CXADR: variants seen among roughly 807,000 people sequenced by gnomAD.
CXADR encodes coxsackievirus and adenovirus receptor.
Under a neutral mutation model 40.3 loss-of-function variants are expected in CXADR, and 20 were observed. That is an observed-to-expected ratio of 0.50 (90% confidence interval 0.35 to 0.72). CXADR has a LOEUF of 0.72. CXADR is among the 30% of genes least tolerant of loss of function. CXADR has a pLI of 0.01. For missense variants in CXADR, 332 were observed against 449.1 expected (o/e 0.74, Z 2.36); for synonymous variants, 150 against 161.3 (o/e 0.93, Z 0.53).
chr21:17,594,274 G>A, downstream of CXADR: 2 of 1,613,152 alleles, frequency 1.2e-6, no homozygotes, highest in African/African-American at 1.3e-5. Flanking sequence ...ATACATTCCT[G>A]GCTTTTTTCT....
Position 17,567,452 on chromosome 21 carries a change from A to G in CXADR, c.*1760A>G, listed in dbSNP as rs1475751653. 1.2e-5 allele frequency: 12 copies of G among 985,206 alleles called. No homozygotes were observed. The highest frequency in any genetic ancestry group is 1.7e-5 in the African/African-American group (1 of 57,246). The allele number at this position is 985,206 out of a possible 1,614,324, so 61.0% of individuals were successfully genotyped here. A position where few individuals can be genotyped will look rare whatever the true frequency, so the allele number is the denominator to read the frequency against. The stretch of plus-strand genomic sequence containing the variant: ...TTTCTATTATGAATTTCTGGTGCCT[A>G]TGAGCTAGCTATCACCTACCTGAAA... On this transcript the variant is annotated 3_prime_UTR_variant, in exon 7 of 7. Transcript: ENST00000284878.
intron 7 of CXADR, chr21:17,576,921 A>T (rs192486841): frequency 6.6e-6 from 1 of 152,148 alleles, no homozygotes; most frequent in Non-Finnish European, 1.5e-5. Flanking sequence ...AAAACAAAAA[A>T]CAAAAAAGCA....
chr21:17,608,104 C>T, the CXADR span, among the ~76,000 whole-genome samples: 15 of 152,264 alleles, frequency 9.9e-5, no homozygotes, highest in East Asian at 1.5e-3. Flanking sequence ...TGGTGGCTCA[C>T]GCCTGTAATC....
In CXADR at chr21:17,560,843, G is replaced by A. The variant is rs2061108434; in HGVS notation, c.694+19G>A. The A allele has an allele frequency of 2.5e-6, 4 of 1,611,768 alleles. No individual in the cohort carries two copies. The highest frequency in any genetic ancestry group is 2.2e-5 in the East Asian group (1 of 44,808). On this transcript the variant is annotated intron_variant, in intron 5 of 6. Transcript: ENST00000284878. ...GTCCCTCGTAAGTTATCTTCTTTCT[G>A]TTGGTGGTTTTGTTTCTGTTATCTT...
intron 1 of CXADR, among the ~76,000 whole-genome samples, chr21:17,537,470 T>C (rs570599849): frequency 6.6e-6 from 1 of 152,324 alleles, no homozygotes; most frequent in South Asian, 2.1e-4. Context: ...CAAAGTGCTT[T>C]GTTGACTGCT....
At chr21:17,595,628 CTA>C (rs941372333), downstream of CXADR, among the ~76,000 whole-genome samples, 6 of 151,772 alleles carry the variant, frequency 4.0e-5, no homozygotes, top group African/African-American at 1.5e-4. Flanking sequence ...ATAGCAATGA[CTA>C]TAAATTAAAT....
intron 6 of CXADR, among the ~76,000 whole-genome samples, chr21:17,564,567 G>A (rs984688838): frequency 3.9e-5 from 6 of 152,012 alleles, no homozygotes; most frequent in South Asian, 4.1e-4. Flanking sequence ...TGTGGAACCC[G>A]TGGATGTGGA....
chr21:17,589,941 TTTTAA>T (rs1249148343), intron 7 of CXADR, among the ~76,000 whole-genome samples: 1 of 152,082 alleles, frequency 6.6e-6, no homozygotes, highest in Non-Finnish European at 1.5e-5. Context: ...AAAATAAATG[TTTTAA>T]TTTGTATTTA....
the CXADR span, among the ~76,000 whole-genome samples, chr21:17,619,487 G>T: frequency 6.6e-6 from 1 of 152,108 alleles, no homozygotes; most frequent in Admixed American, 6.6e-5. Flanking sequence ...TACACAGGGG[G>T]CTGAGGCAGG....
chr21:17,513,719 G>C lies in CXADR; in HGVS notation c.43+547G>C, dbSNP rs993169909. Reference sequence around the variant, plus strand: ...AGAGGCGCTGAGCGAACGCCAGCCTGGACGGTGTTAGTCTCCTGGAAGCAG... The same window carrying C: ...AGAGGCGCTGAGCGAACGCCAGCCTCGACGGTGTTAGTCTCCTGGAAGCAG... On this transcript the variant is annotated intron_variant, in intron 1 of 6. Transcript: ENST00000284878. 2.0e-5 allele frequency among the ~76,000 whole-genome samples: 3 copies of C among 152,222 alleles called. No individual in the cohort carries two copies. In the South Asian group the frequency reaches 6.2e-4, roughly 32 times the overall value.
the CXADR span, among the ~76,000 whole-genome samples, chr21:17,634,436 A>G: frequency 6.6e-6 from 1 of 152,370 alleles, no homozygotes; most frequent in East Asian, 1.9e-4. Context: ...TCGGAGTAAA[A>G]TTATTATGAG....
At chr21:17,601,869 C>T in the CXADR span, among the ~76,000 whole-genome samples, 1 of 152,186 alleles carries the variant, frequency 6.6e-6, no homozygotes, top group East Asian at 1.9e-4. Flanking sequence ...GAAGGATCAG[C>T]ATTATTAACT....
chr21:17,521,108 G>A (rs143199510), intron 1 of CXADR, among the ~76,000 whole-genome samples: 172 of 152,086 alleles, frequency 1.1e-3, no homozygotes, highest in African/African-American at 3.9e-3. Context: ...AATGTGAGGC[G>A]GGGGAAACAT....
chr21:17,576,390 G>A (rs982868898), intron 7 of CXADR, among the ~76,000 whole-genome samples: 33 of 152,214 alleles, frequency 2.2e-4, no homozygotes, highest in Middle Eastern at 3.4e-3. Context: ...TAGGATAATA[G>A]TATCTACCTT....
chr21:17,548,483 C>A (rs755109741), intron 2 of CXADR, among the ~76,000 whole-genome samples: 19 of 152,180 alleles, frequency 1.2e-4, no homozygotes, highest in Non-Finnish European at 2.5e-4. Context: ...CTTACCTCCC[C>A]CTTCTCTCCC....
intron 1 of CXADR, among the ~76,000 whole-genome samples, chr21:17,531,953 G>A (rs1394943680): frequency 7.8e-6 from 1 of 128,358 alleles, no homozygotes; most frequent in East Asian, 2.2e-4. Context: ...TTTTTTTTTG[G>A]TGGTGGGGGA....
intron 7 of CXADR, among the ~76,000 whole-genome samples, chr21:17,580,687 C>T (rs1449456585): frequency 6.6e-6 from 1 of 152,100 alleles, no homozygotes; most frequent in Non-Finnish European, 1.5e-5. Context: ...TCTGACCCTG[C>T]ACTATTATAC....
At chr21:17,561,737 G>A (rs925890301) in intron 6 of CXADR, among the ~76,000 whole-genome samples, 16 of 152,118 alleles carry the variant, frequency 1.1e-4, no homozygotes, top group African/African-American at 3.6e-4. Context: ...AAGACTGCCT[G>A]CTTCTTGAGA....
the CXADR span, chr21:17,598,804 G>A: frequency 1.9e-6 from 3 of 1,613,492 alleles, no homozygotes; most frequent in Non-Finnish European, 1.7e-6. Flanking sequence ...AACAATGAAT[G>A]CATTGTTTTT....
Sources: gnomAD v4.1 joint callset for allele counts (sites outside exome capture counted in the v4.1 genomes callset) on GRCh38, gnomAD v4.1.1 for gene constraint, MANE v1.5 for transcripts, NCBI Gene and HGNC (gene_info 2026-07-23, HGNC 2026-07-21) for gene names.